TNS3: variants seen among roughly 807,000 people sequenced by gnomAD.
TNS3 encodes the protein tensin 3, also known as tensin-3.
TNS3 carries 45 observed loss-of-function variants against 140.9 expected under a neutral mutation model. The observed-to-expected ratio is 0.32, with a 90% CI of 0.25 to 0.41. The LOEUF is 0.41. Ranked by LOEUF, TNS3 falls within the 10% of genes least tolerant of loss-of-function variation. The pLI, the probability that TNS3 is intolerant of heterozygous loss-of-function variation, is 1.00. For synonymous variants in TNS3, 815 were observed against 788.4 expected (o/e 1.03, Z -0.56); for missense variants, 1,716 against 1,906.7 (o/e 0.90, Z 1.86).
At chr7:47,538,156 A>T (rs1799672738) in intron 1 of TNS3, among the ~76,000 whole-genome samples, 1 of 152,098 alleles carries the variant, frequency 6.6e-6, no homozygotes. Context: ...TCACTTAGAA[A>T]CGCCAGGAGG....
chr7:47,529,838 G>A (rs10265512), intron 1 of TNS3, among the ~76,000 whole-genome samples: 97,459 of 152,128 alleles, frequency 0.64, 31,523 homozygotes, highest in Middle Eastern at 0.76. Context: ...CACTAATCAT[G>A]TCTATTTGCT....
At chr7:47,365,637 G>A (rs1477942445) in intron 17 of TNS3, among the ~76,000 whole-genome samples, 3 of 151,982 alleles carry the variant, frequency 2.0e-5, no homozygotes, top group Non-Finnish European at 4.4e-5. Flanking sequence ...GATGGCGGGC[G>A]CCTGTAGTCC....
At chr7:47,375,451 G>A (rs1376985428) in intron 16 of TNS3, among the ~76,000 whole-genome samples, 1 of 152,194 alleles carries the variant, frequency 6.6e-6, no homozygotes, top group Admixed American at 6.5e-5. Flanking sequence ...CCTGGAAAAG[G>A]ACCAGAAGGA....
At chr7:47,317,156 T>C (rs1189815781) in intron 20 of TNS3, among the ~76,000 whole-genome samples, 1 of 152,238 alleles carries the variant, frequency 6.6e-6, no homozygotes, top group African/African-American at 2.4e-5. Flanking sequence ...AAAGGATAAA[T>C]TGTTTCTGTC....
chr7:47,283,490 T>C (rs553068203), intron 28 of TNS3, among the ~76,000 whole-genome samples: 4 of 152,302 alleles, frequency 2.6e-5, no homozygotes, highest in Admixed American at 1.3e-4. Context: ...CTAAGAAAAA[T>C]AGCCTTGCAA....
chr7:47,487,600 A>G (rs1192889685), intron 3 of TNS3, among the ~76,000 whole-genome samples: 2 of 152,180 alleles, frequency 1.3e-5, no homozygotes, highest in Non-Finnish European at 2.9e-5. Flanking sequence ...AATCCGTGGG[A>G]CAGCATTCAG....
intron 1 of TNS3, among the ~76,000 whole-genome samples, chr7:47,537,581 T>A (rs78629575): frequency 1.3e-5 from 2 of 152,072 alleles, no homozygotes; most frequent in African/African-American, 4.8e-5. Context: ...TCAGCTTTAC[T>A]AGGATTTCAA....
chr7:47,485,284 G>C (rs950031249), intron 3 of TNS3, among the ~76,000 whole-genome samples: 3 of 152,196 alleles, frequency 2.0e-5, no homozygotes, highest in Admixed American at 1.3e-4. Context: ...GTGTGGACTC[G>C]AATCAGCTGG....
chr7:47,345,684 G>A (rs1250993544), intron 18 of TNS3, among the ~76,000 whole-genome samples: 1 of 152,042 alleles, frequency 6.6e-6, no homozygotes, highest in African/African-American at 2.4e-5. Context: ...GCTCTCATCT[G>A]TGGCCCTCAT....
chr7:47,475,476 G>A (rs1241548816), intron 4 of TNS3, among the ~76,000 whole-genome samples: 3 of 152,244 alleles, frequency 2.0e-5, no homozygotes, highest in African/African-American at 4.8e-5. Flanking sequence ...ACCAGAAGGC[G>A]GAGACACCGG....
chr7:47,439,699 G>A (rs1054033954), intron 5 of TNS3, 41 bp from the exon 6 acceptor site: 1 of 1,600,630 alleles, frequency 6.2e-7, no homozygotes, highest in Admixed American at 1.7e-5. Context: ...AGGGTAAGGA[G>A]GCAGCAGACA....
Position 47,303,567 on chromosome 7 carries a change from C to A in TNS3, c.2840G>T (p.Arg947Leu). 1 of 1,595,838 alleles carries A rather than the reference C, an allele frequency of 6.3e-7. No homozygotes were observed. ...QRRESSSSAE[R>L]QWVESSPKPM... ...CTTGGGGCTGCTCTCCACCCACTGG[C>A]GTTCTGCAGAAGAGGAGCTGTTCAA... The change falls in exon 22 of 31, where the codon CGC becomes CTC. Residue 947 changes from arginine (R) to leucine (L), a missense_variant. Arg to Leu is a moderately radical substitution (Grantham distance 102). Coordinates refer to ENST00000311160, the MANE Select transcript of TNS3 (RefSeq NM_022748.12).
intron 20 of TNS3, among the ~76,000 whole-genome samples, chr7:47,323,092 GTAC>G (rs945814800): frequency 1.3e-5 from 2 of 152,190 alleles, no homozygotes; most frequent in African/African-American, 2.4e-5. Flanking sequence ...AGGGCTGGAG[GTAC>G]CGCTCCTCGA....
rs73324690 is a variant in TNS3, at chr7:47,308,904, G to A, written c.2651-3901C>T. Among the ~76,000 whole-genome samples the A allele has an allele frequency of 4.4e-3, 670 of 152,216 alleles. 7 individuals carry two copies. Among genetic ancestry groups the A allele is most frequent in the African/African-American group, 0.015 (633 of 41,508 alleles). ...TCCTACCCAACGCTCAGTTGAATACGTATGGCGGATCCTCTGCAGATCTCC... is the reference window on the plus strand; with the variant it reads ...TCCTACCCAACGCTCAGTTGAATACATATGGCGGATCCTCTGCAGATCTCC... On this transcript the variant is annotated intron_variant, in intron 20 of 30. Coordinates refer to ENST00000311160, the MANE Select transcript of TNS3 (RefSeq NM_022748.12).
At chr7:47,392,066 C>T (rs1477066584) in intron 16 of TNS3, among the ~76,000 whole-genome samples, 1 of 152,188 alleles carries the variant, frequency 6.6e-6, no homozygotes, top group Non-Finnish European at 1.5e-5. Context: ...CACAGGCTCT[C>T]TCGAGGATTA....
At chr7:47,347,591 G>C (rs568674540) in intron 17 of TNS3, among the ~76,000 whole-genome samples, 4 of 151,788 alleles carry the variant, frequency 2.6e-5, no homozygotes, top group African/African-American at 9.7e-5. Context: ...AGGCTCCTGG[G>C]CTGAGCCAGG....
intron 17 of TNS3, among the ~76,000 whole-genome samples, chr7:47,359,293 A>G (rs1488556878): frequency 1.3e-5 from 2 of 152,222 alleles, no homozygotes; most frequent in Non-Finnish European, 2.9e-5. Context: ...GCCAGCCACA[A>G]AAAGCACATA....
chr7:47,451,380 G>GT (rs1257315384), intron 4 of TNS3, among the ~76,000 whole-genome samples: 9 of 152,174 alleles, frequency 5.9e-5, no homozygotes, highest in African/African-American at 1.9e-4. Flanking sequence ...AGGAGTTCGA[G>GT]ACCAACCTGG....
In TNS3 at chr7:47,439,426, T is replaced by C. The variant is rs533984918; in HGVS notation, c.150+61A>G. 1.3e-5 allele frequency: 20 copies of C among 1,572,336 alleles called. No individual in the cohort carries two copies. In the South Asian group the frequency reaches 2.1e-4, roughly 17 times the overall value. ...TAAACCAGTGTTCTGTGAGTGCCCA[T>C]CCCTACACAGTGCCTGCTGCAGAGC... On this transcript the variant is annotated intron_variant, in intron 6 of 30. Transcript: ENST00000311160.
Sources: allele counts gnomAD v4.1 joint callset (sites outside exome capture counted in the v4.1 genomes callset), GRCh38; gene constraint gnomAD v4.1.1; transcripts MANE v1.5; gene names NCBI Gene and HGNC (gene_info 2026-07-23, HGNC 2026-07-21).